Variants in NKAIN2 observed in about 807,000 individuals in gnomAD.
NKAIN2 encodes sodium/potassium transporting ATPase interacting 2.
NKAIN2 carries 14 observed loss-of-function variants against 32.6 expected under a neutral mutation model. The observed-to-expected ratio is 0.43, with a 90% CI of 0.28 to 0.67. The LOEUF is 0.67. NKAIN2 is among the 30% of genes least tolerant of loss of function. The probability of loss-of-function intolerance (pLI) is 0.17; values close to 1 mark genes in which losing one functional copy is unlikely to be tolerated. For synonymous variants in NKAIN2, 80 were observed against 87.2 expected, an observed-to-expected ratio of 0.92 and a Z score of 0.46; for missense variants, 198 against 258.3, an observed-to-expected ratio of 0.77 and a Z score of 1.60.
At chr6:124,808,826 T>C (rs56314136) in intron 5 of NKAIN2, among the ~76,000 whole-genome samples, 3,715 of 152,278 alleles carry the variant, frequency 0.024, 67 homozygotes, top group Middle Eastern at 0.082. Context: ...CAAGCATTCT[T>C]ATACACCAAT....
chr6:124,764,911 G>A (rs1438787705), intron 4 of NKAIN2, among the ~76,000 whole-genome samples: 1 of 152,068 alleles, frequency 6.6e-6, no homozygotes. Context: ...TTACTTTAAG[G>A]TGAAATCCAG....
intron 1 of NKAIN2, among the ~76,000 whole-genome samples, chr6:123,866,729 CCA>C: frequency 6.6e-6 from 1 of 152,266 alleles, no homozygotes; most frequent in East Asian, 1.9e-4. Flanking sequence ...CGCGCCCGGC[CCA>C]CAGTTTTACA....
chr6:124,669,432 A>T (rs1772982178), intron 4 of NKAIN2, among the ~76,000 whole-genome samples: 1 of 152,106 alleles, frequency 6.6e-6, no homozygotes, highest in Non-Finnish European at 1.5e-5. Context: ...TGATGAATAA[A>T]ATAGGATAAG....
At chr6:124,019,679 C>T (rs1372193901) in intron 1 of NKAIN2, among the ~76,000 whole-genome samples, 1 of 151,924 alleles carries the variant, frequency 6.6e-6, no homozygotes, top group East Asian at 1.9e-4. Flanking sequence ...ATATCCCTTT[C>T]AATATAAGTG....
At chr6:124,688,065 T>G (rs1774075411) in intron 4 of NKAIN2, among the ~76,000 whole-genome samples, 1 of 152,018 alleles carries the variant, frequency 6.6e-6, no homozygotes, top group Non-Finnish European at 1.5e-5. Flanking sequence ...TGAGGATGAG[T>G]GTCATTTGGA....
At chr6:124,017,924 C>G (rs1343255748) in intron 1 of NKAIN2, among the ~76,000 whole-genome samples, 1 of 152,190 alleles carries the variant, frequency 6.6e-6, no homozygotes, top group Non-Finnish European at 1.5e-5. Context: ...GTCAGTGCCC[C>G]AGTGGGTACT....
At chr6:124,403,494 T>G (rs767332398) in intron 3 of NKAIN2, among the ~76,000 whole-genome samples, 2 of 152,176 alleles carry the variant, frequency 1.3e-5, no homozygotes, top group Non-Finnish European at 2.9e-5. Context: ...CAAAGTTATT[T>G]CAGCATAGTC....
intron 3 of NKAIN2, among the ~76,000 whole-genome samples, chr6:124,525,967 TG>T (rs1779295939): frequency 6.6e-6 from 1 of 152,156 alleles, no homozygotes; most frequent in Non-Finnish European, 1.5e-5. Flanking sequence ...AATTCCAGCA[TG>T]TTTACAGCGT....
chr6:124,011,829 C>A (rs1315437698), intron 1 of NKAIN2, among the ~76,000 whole-genome samples: 1 of 152,138 alleles, frequency 6.6e-6, no homozygotes, highest in Non-Finnish European at 1.5e-5. Flanking sequence ...CCTTGCCATT[C>A]AAGTTCATAA....
In NKAIN2 at chr6:124,297,192, C is replaced by T. The variant is rs1796091663; in HGVS notation, c.192+14050C>T. Among the ~76,000 whole-genome samples, 3 of 152,268 alleles carry T rather than the reference C, an allele frequency of 2.0e-5. No individual in the cohort carries two copies. The South Asian group carries it at 6.2e-4, about 32-fold the overall frequency. Reference sequence around the variant, plus strand: ...TGCTGACCCACACACAGTCAAAAATCTGCATATAAGTTTTGACTCCCCCAA... The same window carrying T: ...TGCTGACCCACACACAGTCAAAAATTTGCATATAAGTTTTGACTCCCCCAA... On this transcript the variant is annotated intron_variant, in intron 2 of 6. Transcript: ENST00000368417.
chr6:124,275,325 T>C (rs1176582524), intron 1 of NKAIN2, among the ~76,000 whole-genome samples: 1 of 152,080 alleles, frequency 6.6e-6, no homozygotes, highest in Non-Finnish European at 1.5e-5. Flanking sequence ...AATGTGACTC[T>C]GTGTTTCAAA....
chr6:124,610,648 C>T (rs1325704415), intron 3 of NKAIN2, among the ~76,000 whole-genome samples: 1 of 152,090 alleles, frequency 6.6e-6, no homozygotes, highest in Admixed American at 6.6e-5. Flanking sequence ...TTCTGGAGTA[C>T]AAGAGTGTCA....
intron 1 of NKAIN2, among the ~76,000 whole-genome samples, chr6:124,223,746 A>G (rs1791956208): frequency 6.6e-6 from 1 of 152,148 alleles, no homozygotes. Flanking sequence ...TCTATGTTCC[A>G]TTTAGACATT....
intron 1 of NKAIN2, among the ~76,000 whole-genome samples, chr6:124,233,186 C>A (rs1186438127): frequency 6.6e-6 from 1 of 151,722 alleles, no homozygotes; most frequent in Non-Finnish European, 1.5e-5. Context: ...TCTACATGAT[C>A]TCCTTAGGTT....
chr6:124,291,389 T>C (rs1795808939), intron 2 of NKAIN2, among the ~76,000 whole-genome samples: 1 of 152,198 alleles, frequency 6.6e-6, no homozygotes, highest in Non-Finnish European at 1.5e-5. Flanking sequence ...GAAGACTTTG[T>C]TGTGGCTCAG....
chr6:124,317,343 A>G (rs1425784730), intron 2 of NKAIN2, among the ~76,000 whole-genome samples: 3 of 152,150 alleles, frequency 2.0e-5, no homozygotes, highest in Admixed American at 2.0e-4. Context: ...TCATTGAATC[A>G]AAGTCTGTGT....
At chr6:123,955,198 A>G (rs1242660934) in intron 1 of NKAIN2, among the ~76,000 whole-genome samples, 19 of 61,670 alleles carry the variant, frequency 3.1e-4, no homozygotes, top group African/African-American at 1.4e-3. Context: ...AGAAAAACCA[A>G]AAAAAAAAAA....
chr6:124,190,069 A>G (rs1233819331), intron 1 of NKAIN2, among the ~76,000 whole-genome samples: 1 of 152,234 alleles, frequency 6.6e-6, no homozygotes, highest in Non-Finnish European at 1.5e-5. Flanking sequence ...CCACAAACAT[A>G]TGAAAGTGAA....
At chr6:124,453,571 G>A (rs1166425433) in intron 3 of NKAIN2, among the ~76,000 whole-genome samples, 2 of 151,622 alleles carry the variant, frequency 1.3e-5, no homozygotes, top group Non-Finnish European at 2.9e-5. Context: ...CCAATATGCA[G>A]CATTTTAAAT....
Sources: gnomAD v4.1 joint callset for allele counts (sites outside exome capture counted in the v4.1 genomes callset) on GRCh38, gnomAD v4.1.1 for gene constraint, MANE v1.5 for transcripts, NCBI Gene and HGNC (gene_info 2026-07-23, HGNC 2026-07-21) for gene names.